Variants in COL16A1 observed in about 807,000 individuals in gnomAD.
The protein encoded by COL16A1 is collagen alpha-1(XVI) chain.
COL16A1 carries 189 observed loss-of-function variants against 266.3 expected under a neutral mutation model. That is an observed-to-expected ratio of 0.71 (90% CI 0.63 to 0.80). The LOEUF is 0.80. Among genes scored for constraint, COL16A1 ranks in the 30% least tolerant of loss-of-function variants. The pLI is 0.00. For missense variants in COL16A1, 1,928 were observed against 2,122.4 expected (o/e 0.91, Z 1.80); for synonymous variants, 740 against 782.3 (o/e 0.95, Z 0.90).
Position 31,657,219 on chromosome 1 carries a change from C to T in COL16A1, c.4021-151G>A, listed in dbSNP as rs752942874. ...ACCCTCTGACAATCTGGGCACAGGC[C>T]GTGGAAACTTAGACCCCCACCCCAT... is the stretch of plus-strand genomic sequence containing the variant. On this transcript the variant is annotated intron_variant, in intron 64 of 70. Coordinates refer to ENST00000373672, the MANE Select transcript of COL16A1 (RefSeq NM_001856.4). This position sits in a 1 kb window ranked among gnomAD's most constrained non-coding sequence, Gnocchi z 6.4. 166 of 949,996 alleles carry T rather than the reference C, an allele frequency of 1.7e-4. No individual in the cohort carries two copies. The highest frequency in any genetic ancestry group is 2.3e-4 in the Non-Finnish European group (143 of 612,946). 58.8% of individuals were successfully genotyped at this position (949,996 alleles called of 1,614,324 possible).
rs1209233238 is a variant in COL16A1 at position 31,656,470 on chromosome 1, G to A, written c.4057-26C>T. On this transcript the variant is annotated intron_variant, in intron 65 of 70. Coordinates refer to ENST00000373672, the MANE Select transcript of COL16A1 (RefSeq NM_001856.4). The surrounding 1 kb of genome is among the most constrained non-coding windows in gnomAD (Gnocchi z 4.2). ...CTAGAGGAAAGCAAAAGTCAGAGGT[G>A]AAGTCCGGGCAGCATCTCTGAGGCT... is the stretch of plus-strand genomic sequence containing the variant. 18 of 1,610,154 alleles carry A rather than the reference G, an allele frequency of 1.1e-5. No individual in the cohort carries two copies. The highest frequency in any genetic ancestry group is 1.4e-5 in the Non-Finnish European group (17 of 1,178,612).
chr1:31,692,033 T>C lies in COL16A1; in HGVS notation c.1229A>G (p.Lys410Arg), dbSNP rs905714893. Residue 410 changes from lysine (K) to arginine (R), a missense_variant, in exon 17 of 71, where the codon AAG becomes AGG. By Grantham distance (26) the Lys-to-Arg change is conservative (BLOSUM62 2). Transcript: ENST00000373672. ...QKGEKGDGGI[K>R]GVPGKPGRDG... ...CCGGCCTGGCTTTCCCGGCACGCCC[T>C]TGATGCCTCCGTCGCCCTTCTCGCC... The C allele has an allele frequency of 2.5e-6, 4 of 1,613,738 alleles. No individual in the cohort carries two copies. In the African/African-American group the frequency reaches 4.0e-5, roughly 16 times the overall value.
At chr1:31,684,464 G>A (rs1421468585) in intron 31 of COL16A1, 59 bp downstream of exon 31, 8 of 1,581,240 alleles carry the variant, frequency 5.1e-6, no homozygotes, top group South Asian at 2.3e-5. Flanking sequence ...TCACTGGTGC[G>A]ACACCTGATT....
chr1:31,698,623 G>A lies in COL16A1; in HGVS notation c.267-17C>T. The A allele has an allele frequency of 1.9e-6, 3 of 1,613,082 alleles. No individual in the cohort carries two copies. Among genetic ancestry groups the A allele is most frequent in the Non-Finnish European group, 2.5e-6 (3 of 1,179,786 alleles). ...AATACTCTTCTGGAGATGGAGCAGG[G>A]AGGGTGCCCTGAGGCTCCAATGAGG... On this transcript the variant is annotated splice_polypyrimidine_tract_variant and intron_variant, in intron 4 of 70. Transcript: ENST00000373672. This position sits in a 1 kb window ranked among gnomAD's most constrained non-coding sequence, Gnocchi z 4.1.
intron 16 of COL16A1, 114 bp downstream of exon 16, chr1:31,692,360 C>T (rs1480919039): frequency 6.8e-7 from 1 of 1,467,410 alleles, no homozygotes; most frequent in African/African-American, 1.4e-5. Context: ...AGGGTCCTGC[C>T]AGCTCTGTGC....
At chr1:31,686,167 G>A in intron 27 of COL16A1, 32 bp from the exon 28 acceptor site, 1 of 1,614,112 alleles carries the variant, frequency 6.2e-7, no homozygotes, top group South Asian at 1.1e-5. Flanking sequence ...GTAATGCCCA[G>A]CATCTGCCAG....
In COL16A1 at chr1:31,688,837, G is replaced by T. The variant is rs760217020; in HGVS notation, c.1767+24C>A. ...TGGCAAGGATGGCTGAACTGGGCTGGGCTGGGAGAAAGTCGTCACTCACCG... is the reference window on the plus strand; with the variant it reads ...TGGCAAGGATGGCTGAACTGGGCTGTGCTGGGAGAAAGTCGTCACTCACCG... On this transcript the variant is annotated intron_variant, in intron 25 of 70. Transcript: ENST00000373672. This position sits in a 1 kb window ranked among gnomAD's most constrained non-coding sequence, Gnocchi z 4.9. 27 of 1,602,472 alleles carry T rather than the reference G, an allele frequency of 1.7e-5. No homozygotes were observed. The highest frequency in any genetic ancestry group is 2.0e-5 in the Non-Finnish European group (23 of 1,172,880).
chr1:31,666,725 T>C (rs1293580285), intron 52 of COL16A1, among the ~76,000 whole-genome samples: 1 of 151,846 alleles, frequency 6.6e-6, no homozygotes. Context: ...CAGGGATCCC[T>C]CCCTCCTGCT....
chr1:31,699,775 T>C, intron 4 of COL16A1, 38 bp downstream of exon 4: 2 of 1,290,412 alleles, frequency 1.5e-6, no homozygotes, highest in Non-Finnish European at 2.2e-6. Context: ...GTGGCTGAGG[T>C]CAGTGTTGAT....
At position 31,700,038 on chromosome 1, in the gene COL16A1, C is replaced by T. The variant is rs375734075; in HGVS notation, c.148+3G>A. 3.6e-5 allele frequency: 58 copies of T among 1,613,968 alleles called. No individual in the cohort carries two copies. Among genetic ancestry groups the T allele is most frequent in the Non-Finnish European group, 4.6e-5 (54 of 1,179,992 alleles). On this transcript the variant is annotated splice_donor_region_variant and intron_variant, in intron 3 of 70. Transcript: ENST00000373672. ...CGGCGCGATGAGATGGTTGGGTGCT[C>T]ACCAGTCACGTTGGCTGGCAGGCTA...
Position 31,679,814 on chromosome 1 carries a change from G to T in COL16A1, c.2708C>A (p.Pro903Gln), listed in dbSNP as rs146799146. The T allele has an allele frequency of 7.2e-4, 1,118 of 1,552,098 alleles. 9 individuals are homozygous for T. In the African/African-American group the frequency reaches 0.014, roughly 20 times the overall value. ...PGLWMGSSWQ[P>Q]GPQGPPGIPG... ...AGACAAGCGACACACCTGCGGGCCC[G>T]GCTGCCAGGAGCTGCCCATCCAAAG... is the stretch of plus-strand genomic sequence containing the variant. The change falls in exon 41 of 71, where the codon CCG becomes CAG. Residue 903 changes from proline to glutamine, a missense_variant. By Grantham distance (76) the Pro-to-Gln change is moderately conservative (BLOSUM62 -1). Coordinates refer to ENST00000373672, the MANE Select transcript of COL16A1 (RefSeq NM_001856.4).
In COL16A1 at chr1:31,662,333, C is replaced by T. The variant is rs1188714605; in HGVS notation, c.3681+1G>A. 2 of 1,529,530 alleles carry T rather than the reference C, an allele frequency of 1.3e-6. No homozygotes were observed. The highest frequency in any genetic ancestry group is 1.8e-6 in the Non-Finnish European group (2 of 1,119,312). The allele number at this position is 1,529,530 out of a possible 1,614,324, so 94.7% of individuals were successfully genotyped here. ...CCCGCCCTCCCAGCCCATCATCTCACCCTCAAGCCAGGCTTGCCGTCCTTC... is the reference window on the plus strand; with the variant it reads ...CCCGCCCTCCCAGCCCATCATCTCATCCTCAAGCCAGGCTTGCCGTCCTTC... On this transcript the variant is annotated splice_donor_variant, in intron 58 of 70. Coordinates refer to ENST00000373672, the MANE Select transcript of COL16A1 (RefSeq NM_001856.4). LOFTEE classifies it high-confidence loss of function.
chr1:31,689,884 G>T (rs776688888), intron 22 of COL16A1, 33 bp from the exon 23 acceptor site: 29 of 1,596,478 alleles, frequency 1.8e-5, no homozygotes, highest in Non-Finnish European at 2.2e-5. Context: ...TGTGGACAGG[G>T]TGGGGCTGAG....
chr1:31,701,811 G>A (rs1242704255), intron 2 of COL16A1, among the ~76,000 whole-genome samples: 1 of 152,146 alleles, frequency 6.6e-6, no homozygotes, highest in East Asian at 1.9e-4. Context: ...CTTACGTATT[G>A]GGGTGGGAGG....
chr1:31,681,882 A>T (rs1025924497), intron 37 of COL16A1, among the ~76,000 whole-genome samples: 1 of 152,338 alleles, frequency 6.6e-6, no homozygotes, highest in East Asian at 1.9e-4. Context: ...CTGAGGGACA[A>T]TAGAGACCGG....
Position 31,668,181 on chromosome 1 carries a change from C to G in COL16A1, c.3287G>C (p.Gly1096Ala). 1 of 1,612,770 alleles carries G rather than the reference C, an allele frequency of 6.2e-7. No homozygotes were observed. The highest frequency in any genetic ancestry group is 8.5e-7 in the Non-Finnish European group (1 of 1,179,374). Residue 1096 changes from glycine (G) to alanine (A), a missense_variant, in exon 51 of 71, where the codon GGC (glycine) becomes GCC (alanine). Physicochemically the swap from Gly to Ala is moderately conservative, Grantham distance 60. Coordinates refer to ENST00000373672, the MANE Select transcript of COL16A1 (RefSeq NM_001856.4). The surrounding 1 kb of genome is among the most constrained non-coding windows in gnomAD (Gnocchi z 5.8). ...CTTACTCACAGGCAGTCCTGGGGGG[C>G]CCGTGGCACCTGGGTAACCTGGTTG... is the stretch of plus-strand genomic sequence containing the variant. ...PGQPGYPGAT[G>A]PPGLPGIKGE...
rs1006337215 is a variant in COL16A1 at position 31,697,684 on chromosome 1, C to T, written c.657+222G>A. ...TGGAATTGATCAGAGCAGAGCTGCACGGAGAGATGTAAAGGAAGATGGTGC... is the reference window on the plus strand; with the variant it reads ...TGGAATTGATCAGAGCAGAGCTGCATGGAGAGATGTAAAGGAAGATGGTGC... On this transcript the variant is annotated intron_variant, in intron 6 of 70. Coordinates refer to ENST00000373672, the MANE Select transcript of COL16A1 (RefSeq NM_001856.4). The surrounding 1 kb of genome is among the most constrained non-coding windows in gnomAD (Gnocchi z 4.2). Among the ~76,000 whole-genome samples, 7 of 152,068 alleles carry T rather than the reference C, an allele frequency of 4.6e-5. No individual in the cohort carries two copies. The East Asian group carries it at 7.7e-4, about 17-fold the overall frequency.
chr1:31,654,728 A>G, intron 68 of COL16A1, 64 bp downstream of exon 68: 1 of 1,612,700 alleles, frequency 6.2e-7, no homozygotes, highest in Non-Finnish European at 8.5e-7. Flanking sequence ...AGGCCAAGGC[A>G]GGGCAGAGAA....
In COL16A1 at chr1:31,672,619, G is replaced by A. The variant is rs762320395; in HGVS notation, c.2995C>T (p.Arg999Cys). The change falls in exon 46 of 71, where the codon CGC (arginine) becomes TGC (cysteine). Residue 999 changes from arginine to cysteine, a missense_variant. Physicochemically the swap from Arg to Cys is radical, Grantham distance 180 (BLOSUM62 -3). This residue lies in a region of COL16A1 where 1,552 missense variants were observed against 1,637.2 expected (regional missense o/e 0.95). Coordinates refer to ENST00000373672, the MANE Select transcript of COL16A1 (RefSeq NM_001856.4). ...NCAQCFLSLERPRAEEARGDN... is the reference protein window; with the variant it reads ...NCAQCFLSLECPRAEEARGDN... ...ACCCGGGCCTCCTCGGCTCTTGGGC[G>A]CTCCAGTGACAAAAAGCACTGCAAG... 1.4e-5 allele frequency: 22 copies of A among 1,604,890 alleles called. No individual in the cohort carries two copies. Among genetic ancestry groups the A allele is most frequent in the Middle Eastern group, 1.7e-4 (1 of 5,998 alleles).
Sources: allele counts gnomAD v4.1 joint callset (sites outside exome capture counted in the v4.1 genomes callset), GRCh38; gene constraint gnomAD v4.1.1; regional missense constraint gnomAD v4.1.1; non-coding constraint Gnocchi (gnomAD v3.1); transcripts MANE v1.5; gene names NCBI Gene and HGNC (gene_info 2026-07-23, HGNC 2026-07-21).